GNAQ: variants seen among roughly 807,000 people sequenced by gnomAD.
GNAQ encodes guanine nucleotide-binding protein G(q) subunit alpha.
Under a neutral mutation model 43.9 loss-of-function variants are expected in GNAQ, and 8 were observed. The observed-to-expected ratio is 0.18, with a 90% CI of 0.11 to 0.33. The LOEUF is 0.33. GNAQ is among the 10% of genes least tolerant of loss of function. GNAQ has a pLI of 1.00. For synonymous variants in GNAQ, 155 were observed against 170.7 expected (o/e 0.91, Z 0.71); for missense variants, 158 against 450.8 (o/e 0.35, Z 5.88).
chr9:77,928,598 G>T (rs1829101500), intron 1 of GNAQ, among the ~76,000 whole-genome samples: 2 of 152,176 alleles, frequency 1.3e-5, no homozygotes, highest in African/African-American at 4.8e-5. Context: ...ATCATACAAG[G>T]TTATTCAAAG....
chr9:77,976,162 T>C (rs1823299174), intron 1 of GNAQ, among the ~76,000 whole-genome samples: 1 of 152,242 alleles, frequency 6.6e-6, no homozygotes, highest in Admixed American at 6.5e-5. Context: ...TCCACCTGCT[T>C]CTAATTTATA....
chr9:77,892,888 C>A (rs1410078284), intron 2 of GNAQ, among the ~76,000 whole-genome samples: 1 of 152,116 alleles, frequency 6.6e-6, no homozygotes, highest in Non-Finnish European at 1.5e-5. Context: ...TTTTCCTTCA[C>A]CTCTTGAATA....
intron 2 of GNAQ, among the ~76,000 whole-genome samples, chr9:77,888,470 G>A (rs1205163941): frequency 6.6e-6 from 1 of 152,212 alleles, no homozygotes; most frequent in African/African-American, 2.4e-5. Context: ...CCTGAGCAGA[G>A]TGGGGTAAAT....
intron 4 of GNAQ, among the ~76,000 whole-genome samples, chr9:77,795,353 T>C (rs908251217): frequency 2.0e-5 from 3 of 152,186 alleles, no homozygotes; most frequent in African/African-American, 4.8e-5. Flanking sequence ...TGAGTGACAA[T>C]GTATGTCTGA....
intron 1 of GNAQ, among the ~76,000 whole-genome samples, chr9:77,926,117 A>C (rs1013662291): frequency 6.6e-6 from 1 of 152,198 alleles, no homozygotes; most frequent in Non-Finnish European, 1.5e-5. Context: ...CTAAAACATC[A>C]ACAAAGAAAA....
At chr9:77,821,836 A>T (rs1215342679) in intron 2 of GNAQ, among the ~76,000 whole-genome samples, 2 of 152,070 alleles carry the variant, frequency 1.3e-5, no homozygotes, top group Non-Finnish European at 2.9e-5. Flanking sequence ...CAGTTGATTT[A>T]AAAAAATTGA....
chr9:77,914,689 T>G (rs1270214923), intron 2 of GNAQ, among the ~76,000 whole-genome samples: 1 of 151,588 alleles, frequency 6.6e-6, no homozygotes, highest in African/African-American at 2.4e-5. Context: ...ATGAGAAAAC[T>G]CTCAAAGATT....
At chr9:77,914,514 T>G (rs1336420534) in intron 2 of GNAQ, among the ~76,000 whole-genome samples, 1 of 151,670 alleles carries the variant, frequency 6.6e-6, no homozygotes, top group Non-Finnish European at 1.5e-5. Context: ...TACAAAAAAT[T>G]AGACAGGCAT....
intron 1 of GNAQ, chr9:78,030,391 C>G (rs1824035872): frequency 2.5e-6 from 1 of 400,866 alleles, no homozygotes. Context: ...CTTCTAGGCT[C>G]CCTCCTTTCG....
chr9:77,784,222 A>G lies in GNAQ; in HGVS notation c.735+10241T>C, dbSNP rs556407776. 2.6e-3 allele frequency among the ~76,000 whole-genome samples: 391 copies of G among 152,266 alleles called. 1 individual carries two copies. The highest frequency in any genetic ancestry group is 4.0e-3 in the Non-Finnish European group (271 of 68,020). ...CCAAGCTATACAAAATACTTTTATG[A>G]CACTAGATTGGTAAGGTAATTTGAT... On this transcript the variant is annotated intron_variant, in intron 5 of 6. Transcript: ENST00000286548.
Position 77,991,473 on chromosome 9 carries a change from G to A in GNAQ, c.136+39627C>T, listed in dbSNP as rs558562894. On this transcript the variant is annotated intron_variant, in intron 1 of 6. Coordinates refer to ENST00000286548, the MANE Select transcript of GNAQ (RefSeq NM_002072.5). The stretch of plus-strand genomic sequence containing the variant: ...CCACACCAGGAAACAGGAAGACTAC[G>A]AGATTGTCTTTTCTAATATTCTACC... 3.3e-5 allele frequency among the ~76,000 whole-genome samples: 5 copies of A among 152,274 alleles called. No homozygotes were observed. In the South Asian group the frequency reaches 6.2e-4, roughly 19 times the overall value.
At chr9:77,839,522 T>C (rs1296676470) in intron 2 of GNAQ, among the ~76,000 whole-genome samples, 1 of 152,180 alleles carries the variant, frequency 6.6e-6, no homozygotes, top group African/African-American at 2.4e-5. Flanking sequence ...TAAATACAGG[T>C]TTCCCGAAAA....
At chr9:77,761,585 G>A (rs1163684523) in intron 5 of GNAQ, among the ~76,000 whole-genome samples, 6 of 140,402 alleles carry the variant, frequency 4.3e-5, no homozygotes, top group Admixed American at 6.8e-5. Flanking sequence ...TGCCTCGCCC[G>A]GGAGGTGAGG....
intron 1 of GNAQ, among the ~76,000 whole-genome samples, chr9:77,992,893 C>T (rs1429473622): frequency 1.3e-5 from 2 of 151,920 alleles, no homozygotes; most frequent in Non-Finnish European, 2.9e-5. Context: ...TGCAGCGAGC[C>T]GAGATCAAGC....
At chr9:77,913,098 T>C (rs909688128) in intron 2 of GNAQ, among the ~76,000 whole-genome samples, 2 of 152,192 alleles carry the variant, frequency 1.3e-5, no homozygotes, top group African/African-American at 2.4e-5. Flanking sequence ...ACTGGTATGA[T>C]CACTCTGGAA....
chr9:77,816,783 C>T (rs898838501), intron 2 of GNAQ, among the ~76,000 whole-genome samples: 1 of 152,188 alleles, frequency 6.6e-6, no homozygotes, highest in African/African-American at 2.4e-5. Context: ...ATGATGACAT[C>T]ATGGCCAAAC....
chr9:77,910,634 ATT>A (rs61537040), intron 2 of GNAQ, among the ~76,000 whole-genome samples: 1 of 145,348 alleles, frequency 6.9e-6, no homozygotes, highest in Admixed American at 6.9e-5. Context: ...TTAGAGTGCT[ATT>A]TTTTTTTTTT....
chr9:77,746,224 C>T (rs1564097876), intron 5 of GNAQ, among the ~76,000 whole-genome samples: 1 of 152,062 alleles, frequency 6.6e-6, no homozygotes, highest in African/African-American at 2.4e-5. Flanking sequence ...TGGATCCTTA[C>T]TCAGAAAGCT....
intron 5 of GNAQ, among the ~76,000 whole-genome samples, chr9:77,773,992 C>CTT (rs200997606): frequency 6.6e-6 from 1 of 151,450 alleles, no homozygotes; most frequent in African/African-American, 2.4e-5. Flanking sequence ...AATTCTTCTT[C>CTT]TTCTTTTTTT....
Sources: gnomAD v4.1 joint callset for allele counts (sites outside exome capture counted in the v4.1 genomes callset) on GRCh38, gnomAD v4.1.1 for gene constraint, MANE v1.5 for transcripts, NCBI Gene and HGNC (gene_info 2026-07-23, HGNC 2026-07-21) for gene names.